C8orf34: variants seen among roughly 807,000 people sequenced by gnomAD.
The protein encoded by C8orf34 is uncharacterized protein C8orf34.
C8orf34 carries 65 observed loss-of-function variants against 68.3 expected under a neutral mutation model. The ratio of observed to expected loss-of-function variants is 0.95; its 90% CI spans 0.78 to 1.17. The LOEUF (loss-of-function observed/expected upper bound fraction) is 1.17. C8orf34 is among the 50% of genes most tolerant of loss of function. The pLI, the probability that C8orf34 is intolerant of heterozygous loss-of-function variation, is 0.00. For missense variants in C8orf34, 664 were observed against 655.4 expected, an observed-to-expected ratio of 1.01 and a Z score of -0.14; for synonymous variants, 244 against 241.2, an observed-to-expected ratio of 1.01 and a Z score of -0.11.
intron 6 of C8orf34, among the ~76,000 whole-genome samples, chr8:68,523,696 A>G (rs1814853578): frequency 6.6e-6 from 1 of 152,142 alleles, no homozygotes; most frequent in Non-Finnish European, 1.5e-5. Flanking sequence ...CTAATACAAA[A>G]TAGGATTTTT....
intron 8 of C8orf34, among the ~76,000 whole-genome samples, chr8:68,681,218 A>G (rs955177893): frequency 2.0e-5 from 3 of 152,222 alleles, no homozygotes; most frequent in Non-Finnish European, 4.4e-5. Context: ...TAACACAATT[A>G]TCACAGTGGT....
chr8:68,789,013 C>T (rs1823919227), intron 12 of C8orf34, among the ~76,000 whole-genome samples: 1 of 151,972 alleles, frequency 6.6e-6, no homozygotes, highest in Non-Finnish European at 1.5e-5. Context: ...AGAAAATAAT[C>T]CCCAAATGTG....
chr8:68,443,631 C>T (rs926344203), intron 2 of C8orf34, among the ~76,000 whole-genome samples: 1 of 151,694 alleles, frequency 6.6e-6, no homozygotes, highest in African/African-American at 2.4e-5. Flanking sequence ...TGGTCTCGAT[C>T]TCTTGACCTC....
chr8:68,792,894 T>A (rs555680530), intron 12 of C8orf34, among the ~76,000 whole-genome samples: 1 of 151,988 alleles, frequency 6.6e-6, no homozygotes. Context: ...TGTGTGTATG[T>A]GTGTATGTAT....
intron 12 of C8orf34, among the ~76,000 whole-genome samples, chr8:68,815,120 CAT>C (rs143387599): frequency 0.019 from 2,823 of 152,212 alleles, 34 homozygotes; most frequent in Non-Finnish European, 0.029. Context: ...CTTTTCGAGA[CAT>C]GTGGAAATGC....
intron 8 of C8orf34, among the ~76,000 whole-genome samples, chr8:68,651,728 C>A (rs1048470183): frequency 2.6e-5 from 4 of 152,042 alleles, no homozygotes; most frequent in African/African-American, 9.7e-5. Context: ...AGGATGGAAA[C>A]AATAGACCCT....
intron 7 of C8orf34, among the ~76,000 whole-genome samples, chr8:68,596,788 C>T (rs1217360438): frequency 1.3e-5 from 2 of 152,144 alleles, no homozygotes; most frequent in Non-Finnish European, 2.9e-5. Flanking sequence ...TGCACCTTAG[C>T]AAGATACTCT....
chr8:68,535,307 T>G, intron 7 of C8orf34: 4 of 981,876 alleles, frequency 4.1e-6, no homozygotes, highest in Non-Finnish European at 4.8e-6. Flanking sequence ...CTACATTTTG[T>G]AGATGTGTGT....
intron 5 of C8orf34, among the ~76,000 whole-genome samples, chr8:68,521,215 A>G (rs536227564): frequency 5.3e-5 from 8 of 152,334 alleles, no homozygotes; most frequent in Non-Finnish European, 1.0e-4. Context: ...GTATTCTACT[A>G]CAATAGTATT....
chr8:68,640,285 A>C, intron 7 of C8orf34, 91 bp from the exon 8 acceptor site: 1 of 1,223,616 alleles, frequency 8.2e-7, no homozygotes, highest in Non-Finnish European at 1.2e-6. Flanking sequence ...TTTGCTTAAC[A>C]AACTAATGGC....
intron 1 of C8orf34, among the ~76,000 whole-genome samples, chr8:68,431,019 T>C (rs1586126686): frequency 6.6e-6 from 1 of 152,188 alleles, no homozygotes. Flanking sequence ...ACTTTAGGGA[T>C]GATAAAATGG....
At chr8:68,735,094 C>T (rs1209574090) in intron 10 of C8orf34, among the ~76,000 whole-genome samples, 1 of 152,162 alleles carries the variant, frequency 6.6e-6, no homozygotes, top group Non-Finnish European at 1.5e-5. Context: ...TAAGTAACTA[C>T]AGTTAATGGT....
intron 7 of C8orf34, among the ~76,000 whole-genome samples, chr8:68,544,363 G>A (rs993830286): frequency 6.6e-6 from 1 of 152,116 alleles, no homozygotes; most frequent in African/African-American, 2.4e-5. Flanking sequence ...TCAAATATTA[G>A]GGACACACAC....
chr8:68,382,407 GTAAAT>G (rs1474966016), intron 1 of C8orf34, among the ~76,000 whole-genome samples: 2 of 152,196 alleles, frequency 1.3e-5, no homozygotes, highest in African/African-American at 4.8e-5. Flanking sequence ...ATGAACTAAA[GTAAAT>G]TAAATTAGAA....
At chr8:68,801,147 G>T (rs1404879986) in intron 12 of C8orf34, among the ~76,000 whole-genome samples, 3 of 152,162 alleles carry the variant, frequency 2.0e-5, no homozygotes, top group African/African-American at 7.2e-5. Flanking sequence ...GGCACTAAGT[G>T]ATTGTTTATC....
At chr8:68,439,850 G>T (rs117973693) in intron 2 of C8orf34, among the ~76,000 whole-genome samples, 430 of 152,178 alleles carry the variant, frequency 2.8e-3, no homozygotes, top group Non-Finnish European at 4.1e-3. Context: ...CAAAATACAA[G>T]AATCAGCATT....
At chr8:68,331,513 G>A (rs1805590626) in intron 1 of C8orf34, 174 bp downstream of exon 1, 5 of 745,000 alleles carry the variant, frequency 6.7e-6, no homozygotes, top group Non-Finnish European at 1.1e-5. Context: ...CAGGTGTCCT[G>A]GAACGCGGCC....
At chr8:68,437,754 A>G (rs1810724984) in intron 1 of C8orf34, among the ~76,000 whole-genome samples, 2 of 152,284 alleles carry the variant, frequency 1.3e-5, no homozygotes, top group South Asian at 4.1e-4. Context: ...TGTCTAATAA[A>G]TATCTTGCAT....
At chr8:68,700,757 A>G (rs898127498) in intron 8 of C8orf34, among the ~76,000 whole-genome samples, 2 of 152,034 alleles carry the variant, frequency 1.3e-5, no homozygotes, top group Non-Finnish European at 2.9e-5. Flanking sequence ...TAAATTTTTG[A>G]TGTTGGTGAC....
Sources: gnomAD v4.1 joint callset for allele counts (sites outside exome capture counted in the v4.1 genomes callset) on GRCh38, gnomAD v4.1.1 for gene constraint, MANE v1.5 for transcripts, NCBI Gene and HGNC (gene_info 2026-07-23, HGNC 2026-07-21) for gene names.